EBF1: variants seen among roughly 807,000 people sequenced by gnomAD.
EBF1 encodes transcription factor COE1.
Under a neutral mutation model 68.4 loss-of-function variants are expected in EBF1, and 10 were observed. The observed-to-expected ratio is 0.15, with a 90% CI of 0.09 to 0.25. The LOEUF is 0.25. Ranked by LOEUF, EBF1 falls within the 10% of genes least tolerant of loss-of-function variation. EBF1 has a pLI of 1.00. For missense variants in EBF1, 509 were observed against 794.4 expected, an observed-to-expected ratio of 0.64 and a Z score of 4.32; for synonymous variants, 298 against 299.8, an observed-to-expected ratio of 0.99 and a Z score of 0.06.
intron 6 of EBF1, among the ~76,000 whole-genome samples, chr5:159,037,917 G>T (rs1160634688): frequency 1.3e-5 from 2 of 152,108 alleles, no homozygotes; most frequent in African/African-American, 2.4e-5. Context: ...ATCTCCTAGG[G>T]AAAGAGGACT....
intron 6 of EBF1, among the ~76,000 whole-genome samples, chr5:158,856,846 C>T (rs1381546790): frequency 1.3e-5 from 2 of 152,168 alleles, no homozygotes; most frequent in African/African-American, 4.8e-5. Context: ...TGCAACTGGG[C>T]TAAGAATCTG....
rs1050433895 is a variant in EBF1 at position 158,715,998 on chromosome 5, A to G, written c.1126-1816T>C. ...TCCTTTCTTTCCATTTTAGGGGGGA[A>G]AAAGGCAAGTCTCCCGTTTGTCAAA... On this transcript the variant is annotated intron_variant, in intron 11 of 15. Transcript: ENST00000313708. Among the ~76,000 whole-genome samples the G allele has an allele frequency of 2.6e-5, 4 of 152,198 alleles. 1 individual carries two copies. Among genetic ancestry groups the G allele is most frequent in the Non-Finnish European group, 5.9e-5 (4 of 68,022 alleles).
chr5:158,977,973 C>T (rs900472854), intron 6 of EBF1, among the ~76,000 whole-genome samples: 1 of 152,164 alleles, frequency 6.6e-6, no homozygotes, highest in African/African-American at 2.4e-5. Context: ...CCGGGATGGC[C>T]AGACAAAGGG....
At chr5:159,055,987 C>T (rs1774665052) in intron 6 of EBF1, among the ~76,000 whole-genome samples, 1 of 152,216 alleles carries the variant, frequency 6.6e-6, no homozygotes, top group Non-Finnish European at 1.5e-5. Context: ...TGCTTGTCCT[C>T]ACCACCTCTG....
At chr5:158,832,938 A>T (rs946671423) in intron 7 of EBF1, among the ~76,000 whole-genome samples, 1 of 152,280 alleles carries the variant, frequency 6.6e-6, no homozygotes, top group South Asian at 2.1e-4. Flanking sequence ...AATGACTAAG[A>T]TGTGAGGCAA....
intron 6 of EBF1, among the ~76,000 whole-genome samples, chr5:159,060,933 TACACACACACACACACAC>T (rs72070397): frequency 2.4e-4 from 34 of 143,788 alleles, no homozygotes; most frequent in South Asian, 6.9e-4. Flanking sequence ...TAAAGCTACA[TACACACACACACACACAC>T]ACACACACAC....
chr5:159,062,480 T>G (rs1355590327), intron 6 of EBF1, among the ~76,000 whole-genome samples: 3 of 149,924 alleles, frequency 2.0e-5, no homozygotes, highest in East Asian at 2.0e-4. Flanking sequence ...GACAGGAAGA[T>G]TGGGGAGGGG....
At chr5:158,846,499 T>A (rs983423827) in intron 6 of EBF1, among the ~76,000 whole-genome samples, 1 of 152,148 alleles carries the variant, frequency 6.6e-6, no homozygotes, top group African/African-American at 2.4e-5. Context: ...AGGGGCTTTA[T>A]CCGAAGGTCA....
intron 13 of EBF1, 52 bp from the exon 14 acceptor site, chr5:158,712,385 A>G (rs1356725332): frequency 6.3e-7 from 1 of 1,591,128 alleles, no homozygotes; most frequent in Non-Finnish European, 8.6e-7. Flanking sequence ...GATGGTGGCA[A>G]TCCTGGAAGA....
intron 6 of EBF1, among the ~76,000 whole-genome samples, chr5:158,875,527 A>C: frequency 6.6e-6 from 1 of 152,234 alleles, no homozygotes; most frequent in East Asian, 1.9e-4. Flanking sequence ...ATAAGACAAA[A>C]CAAATATTAC....
intron 10 of EBF1, among the ~76,000 whole-genome samples, chr5:158,772,849 T>C (rs1184837352): frequency 6.6e-6 from 1 of 152,172 alleles, no homozygotes; most frequent in Non-Finnish European, 1.5e-5. Flanking sequence ...TCATGCTAAA[T>C]ACAGTTCCAT....
At chr5:158,707,209 C>T (rs1211283643) in intron 15 of EBF1, among the ~76,000 whole-genome samples, 1 of 152,154 alleles carries the variant, frequency 6.6e-6, no homozygotes, top group Non-Finnish European at 1.5e-5. Flanking sequence ...TTGTGCAGGT[C>T]TCAACATATG....
intron 6 of EBF1, among the ~76,000 whole-genome samples, chr5:159,018,661 T>C (rs1211267781): frequency 6.6e-6 from 1 of 152,248 alleles, no homozygotes; most frequent in African/African-American, 2.4e-5. Context: ...TATAATGTAC[T>C]GGGCCCTGAA....
chr5:158,946,667 G>C (rs572184985), intron 6 of EBF1, among the ~76,000 whole-genome samples: 1 of 152,268 alleles, frequency 6.6e-6, no homozygotes, highest in Non-Finnish European at 1.5e-5. Flanking sequence ...TGGGGGTCAG[G>C]GACCCACTTA....
At chr5:159,087,415 T>C (rs1330975561) in intron 4 of EBF1, among the ~76,000 whole-genome samples, 4 of 147,412 alleles carry the variant, frequency 2.7e-5, no homozygotes, top group Non-Finnish European at 6.0e-5. Context: ...CACACACATA[T>C]ATACATATAT....
chr5:158,990,199 T>A (rs1237733026), intron 6 of EBF1, among the ~76,000 whole-genome samples: 1 of 152,160 alleles, frequency 6.6e-6, no homozygotes, highest in Non-Finnish European at 1.5e-5. Context: ...ACCACCCTGA[T>A]ACCAGGATGG....
intron 6 of EBF1, among the ~76,000 whole-genome samples, chr5:159,027,827 C>A (rs1768000011): frequency 6.6e-6 from 1 of 152,214 alleles, no homozygotes; most frequent in Admixed American, 6.5e-5. Flanking sequence ...TAGGCCACAG[C>A]TGAATTTTGA....
rs775664953 is a variant in EBF1 at position 159,099,450 on chromosome 5, C to T, written c.29G>A (p.Arg10Gln). MFGIQESIQ[R>Q]SGSSMKEEPL... Reference sequence around the variant, plus strand: ...CTCTTCCTTCATGCTGCTTCCACTCCGTTGGATGCTTTCCTGAATCCCAAA... The same window carrying T: ...CTCTTCCTTCATGCTGCTTCCACTCTGTTGGATGCTTTCCTGAATCCCAAA... Residue 10 changes from arginine to glutamine, a missense_variant, in exon 1 of 16, where the codon CGG (arginine) becomes CAG (glutamine). Physicochemically the swap from Arg to Gln is conservative, Grantham distance 43 (BLOSUM62 1). Coordinates refer to ENST00000313708, the MANE Select transcript of EBF1 (RefSeq NM_024007.5). 3.8e-6 allele frequency: 6 copies of T among 1,595,042 alleles called. No individual in the cohort carries two copies. Among genetic ancestry groups the T allele is most frequent in the Admixed American group, 1.7e-5 (1 of 57,934 alleles).
intron 6 of EBF1, among the ~76,000 whole-genome samples, chr5:159,008,779 C>T (rs942089981): frequency 8.5e-5 from 13 of 152,130 alleles, no homozygotes; most frequent in Admixed American, 2.6e-4. Context: ...TGACGTGATT[C>T]GCCCACCTTG....
Sources: gnomAD v4.1 joint callset for allele counts (sites outside exome capture counted in the v4.1 genomes callset) on GRCh38, gnomAD v4.1.1 for gene constraint, MANE v1.5 for transcripts, NCBI Gene and HGNC (gene_info 2026-07-23, HGNC 2026-07-21) for gene names.